TRIM33: variants seen among roughly 807,000 people sequenced by gnomAD.
TRIM33 encodes the protein E3 ubiquitin-protein ligase TRIM33.
In TRIM33, 20 loss-of-function variants were observed where a neutral mutation model predicts 125.4. That is an observed-to-expected ratio of 0.16 (90% confidence interval 0.11 to 0.23). TRIM33 has a LOEUF of 0.23. Among genes scored for constraint, TRIM33 ranks in the 10% least tolerant of loss-of-function variants. The pLI, the probability that TRIM33 is intolerant of heterozygous loss-of-function variation, is 1.00. For synonymous variants in TRIM33, 564 were observed against 513.9 expected (o/e 1.10, Z -1.32); for missense variants, 920 against 1,411.4 (o/e 0.65, Z 5.58).
intron 4 of TRIM33, among the ~76,000 whole-genome samples, chr1:114,461,135 C>G (rs1649956382): frequency 6.6e-6 from 1 of 151,040 alleles, no homozygotes; most frequent in Non-Finnish European, 1.5e-5. Flanking sequence ...AGCCTCAGGC[C>G]AGGAGTTTGA....
At chr1:114,433,899 A>G (rs1225493145) in intron 4 of TRIM33, among the ~76,000 whole-genome samples, 166 bp from the exon 5 acceptor site, 2 of 152,162 alleles carry the variant, frequency 1.3e-5, no homozygotes, top group African/African-American at 4.8e-5. Flanking sequence ...GCAATCACCC[A>G]TCTCCCTCCA....
intron 1 of TRIM33, among the ~76,000 whole-genome samples, chr1:114,494,558 A>G (rs1445438200): frequency 6.6e-6 from 1 of 152,214 alleles, no homozygotes; most frequent in Non-Finnish European, 1.5e-5. Context: ...TATACCTGAC[A>G]AAAGAGTCAT....
intron 4 of TRIM33, among the ~76,000 whole-genome samples, chr1:114,450,154 G>A (rs1222143313): frequency 6.6e-6 from 1 of 152,178 alleles, no homozygotes; most frequent in Non-Finnish European, 1.5e-5. Flanking sequence ...CTACTTGGGA[G>A]GCTGAGGCAG....
chr1:114,482,141 G>A (rs1651399310), intron 1 of TRIM33, among the ~76,000 whole-genome samples: 1 of 152,150 alleles, frequency 6.6e-6, no homozygotes, highest in African/African-American at 2.4e-5. Context: ...TACCTGAAAT[G>A]TGACAACAGT....
chr1:114,404,078 GATAT>G (rs1173057981), intron 15 of TRIM33, among the ~76,000 whole-genome samples: 1 of 152,176 alleles, frequency 6.6e-6, no homozygotes, highest in Non-Finnish European at 1.5e-5. Context: ...GATACATGGA[GATAT>G]ATAGAGAGAT....
chr1:114,503,179 C>G (rs937364975), intron 1 of TRIM33, among the ~76,000 whole-genome samples: 28 of 152,150 alleles, frequency 1.8e-4, no homozygotes, highest in Admixed American at 9.2e-4. Flanking sequence ...ACTACTCTCT[C>G]GCGTTAAAAT....
chr1:114,412,218 A>G (rs534804383), intron 11 of TRIM33, among the ~76,000 whole-genome samples: 1 of 152,342 alleles, frequency 6.6e-6, no homozygotes, highest in Admixed American at 6.5e-5. Context: ...TTGTAGAGCA[A>G]TTTGCCAATA....
At chr1:114,474,829 T>C (rs917126081) in intron 1 of TRIM33, among the ~76,000 whole-genome samples, 1 of 150,078 alleles carries the variant, frequency 6.7e-6, no homozygotes, top group African/African-American at 2.5e-5. Context: ...GAGGTGGAGG[T>C]TGTGGTGAGC....
intron 7 of TRIM33, 47 bp downstream of exon 7, chr1:114,427,701 T>C: frequency 1.3e-6 from 2 of 1,578,290 alleles, no homozygotes; most frequent in Non-Finnish European, 1.7e-6. Flanking sequence ...TGAATATATA[T>C]CTTAATAAAG....
intron 1 of TRIM33, among the ~76,000 whole-genome samples, chr1:114,497,563 A>G (rs1250019339): frequency 3.9e-5 from 6 of 152,198 alleles, no homozygotes; most frequent in African/African-American, 1.4e-4. Context: ...GGCCTTCCAA[A>G]GTGCTGGGAT....
chr1:114,410,039 T>C (rs1652480941), intron 12 of TRIM33, 145 bp downstream of exon 12: 1 of 1,085,076 alleles, frequency 9.2e-7, no homozygotes. Flanking sequence ...AGCCAATTCC[T>C]TAAAATAAAT....
At position 114,396,418 on chromosome 1, in the gene TRIM33, T is replaced by C; in HGVS notation, c.*1230A>G. ...GCAAATGTCCCACTTGGTGGACAGA[T>C]GAGTAATCTAACCCCACCGGGTTTA... On this transcript the variant is annotated 3_prime_UTR_variant, in exon 20 of 20. Coordinates refer to ENST00000358465, the MANE Select transcript of TRIM33 (RefSeq NM_015906.4). The C allele has an allele frequency of 5.0e-6, 1 of 199,454 alleles. No homozygotes were observed. The highest frequency in any genetic ancestry group is 7.8e-5 in the East Asian group (1 of 12,876). The allele number at this position is 199,454 out of a possible 1,614,324, so 12.4% of individuals were successfully genotyped here.
intron 1 of TRIM33, 48 bp downstream of exon 1, chr1:114,510,503 T>A: frequency 1.4e-6 from 2 of 1,436,178 alleles, no homozygotes; most frequent in Non-Finnish European, 1.8e-6. Flanking sequence ...CCTCTAGGGT[T>A]GCGCAAATCC....
chr1:114,489,547 C>T (rs530371699), intron 1 of TRIM33, among the ~76,000 whole-genome samples: 1 of 152,052 alleles, frequency 6.6e-6, no homozygotes, highest in South Asian at 2.1e-4. Flanking sequence ...AGTTTGAGAC[C>T]AGCCTGGGCA....
intron 4 of TRIM33, among the ~76,000 whole-genome samples, chr1:114,453,315 G>C (rs893366521): frequency 2.0e-5 from 3 of 150,400 alleles, no homozygotes; most frequent in African/African-American, 4.9e-5. Flanking sequence ...AGTGAGCCGA[G>C]ATCATGCCAC....
intron 1 of TRIM33, among the ~76,000 whole-genome samples, chr1:114,488,600 C>CA (rs1557897296): frequency 6.6e-6 from 1 of 151,898 alleles, no homozygotes; most frequent in Admixed American, 6.6e-5. Flanking sequence ...CCCATCTCTA[C>CA]AAAAAATTAA....
rs368749905 is a variant in TRIM33 at position 114,425,689 on chromosome 1, A to G, written c.1455T>C (p.Gly485=). 209 of 1,613,808 alleles carry G rather than the reference A, an allele frequency of 1.3e-4. No individual in the cohort carries two copies. The highest frequency in any genetic ancestry group is 1.6e-4 in the Non-Finnish European group (188 of 1,179,884). ...NLVIESKPAP[G]YTPNVVVGQV... ...GCCCAACTACAACATTAGGAGTATA[A>G]CCAGGAGCTGGTTTACTCTCTATTA... Residue 485 remains glycine (G), a synonymous_variant, in exon 9 of 20, where the codon GGT becomes GGC. Coordinates refer to ENST00000358465, the MANE Select transcript of TRIM33 (RefSeq NM_015906.4).
At chr1:114,411,846 T>C (rs753273563) in intron 11 of TRIM33, among the ~76,000 whole-genome samples, 5 of 152,188 alleles carry the variant, frequency 3.3e-5, no homozygotes, top group Non-Finnish European at 7.3e-5. Context: ...GTTAGAAGTC[T>C]AACTGGAAAG....
At chr1:114,454,872 G>A (rs1489726774) in intron 4 of TRIM33, among the ~76,000 whole-genome samples, 3 of 152,114 alleles carry the variant, frequency 2.0e-5, no homozygotes, top group Non-Finnish European at 4.4e-5. Context: ...TAGCATGTCT[G>A]TGACTTCCAG....
Sources: allele counts gnomAD v4.1 joint callset (sites outside exome capture counted in the v4.1 genomes callset), GRCh38; gene constraint gnomAD v4.1.1; transcripts MANE v1.5; gene names NCBI Gene and HGNC (gene_info 2026-07-23, HGNC 2026-07-21).